The following SATB2 variants were observed in gnomAD, a reference collection of about 807,000 sequenced individuals.
The protein encoded by SATB2 is SATB homeobox 2, also known as DNA-binding protein SATB2.
Under a neutral mutation model 73.4 loss-of-function variants are expected in SATB2, and 1 was observed. The observed-to-expected ratio is 0.01, with a 90% confidence interval of 0.00 to 0.06. The LOEUF is 0.06. SATB2 is among the 10% of genes least tolerant of loss of function. SATB2 has a pLI of 1.00. For missense variants in SATB2, 459 were observed against 945.8 expected, an observed-to-expected ratio of 0.49 and a Z score of 6.75; for synonymous variants, 397 against 367.0, an observed-to-expected ratio of 1.08 and a Z score of -0.93.
intron 10 of SATB2, among the ~76,000 whole-genome samples, chr2:199,303,788 A>G (rs1288691977): frequency 2.6e-5 from 4 of 152,194 alleles, no homozygotes; most frequent in African/African-American, 9.6e-5. Flanking sequence ...AGCAACCCAG[A>G]CAAGTCAAGG....
Position 199,272,884 on chromosome 2 carries a change from A to AT in SATB2, c.1741-213dup, listed in dbSNP as rs762207075. Among the ~76,000 whole-genome samples, 3 of 152,146 alleles carry AT rather than the reference A, an allele frequency of 2.0e-5. No homozygotes were observed. The highest frequency in any genetic ancestry group is 6.5e-5 in the Admixed American group (1 of 15,278). On this transcript the variant is annotated intron_variant, in intron 10 of 10. Transcript: ENST00000417098. This position sits in a 1 kb window ranked among gnomAD's most constrained non-coding sequence, Gnocchi z 6.7. Reference sequence around the variant, plus strand: ...GTTCATAACAGTAGTATTTGCCATCATTTATATTCTGAGATGCAAAGTCAA... The same window carrying AT: ...GTTCATAACAGTAGTATTTGCCATCATTTTATATTCTGAGATGCAAAGTCAA...
intron 5 of SATB2, among the ~76,000 whole-genome samples, chr2:199,370,083 G>A (rs1689398262): frequency 6.6e-6 from 1 of 152,066 alleles, no homozygotes; most frequent in South Asian, 2.1e-4. Flanking sequence ...TGCCTTATAG[G>A]ATGACCACTG....
chr2:199,280,424 T>C (rs1692451793), intron 10 of SATB2, among the ~76,000 whole-genome samples: 2 of 152,178 alleles, frequency 1.3e-5, no homozygotes, highest in Non-Finnish European at 1.5e-5. Context: ...AACAGCAATG[T>C]TCAGGGAACA....
At chr2:199,468,337 A>G (rs1053417412), upstream of SATB2, 9 of 141,316 alleles carry the variant, frequency 6.4e-5, no homozygotes, top group Admixed American at 4.3e-4. Context: ...GTCCCTCTTT[A>G]TTTCTATTGA....
At chr2:199,341,042 C>A (rs1001067635) in intron 7 of SATB2, among the ~76,000 whole-genome samples, 1 of 152,162 alleles carries the variant, frequency 6.6e-6, no homozygotes, top group Non-Finnish European at 1.5e-5. Flanking sequence ...GGGCATTCTA[C>A]AACCATCCCT....
At chr2:199,446,510 A>C (rs1691966933) in intron 2 of SATB2, among the ~76,000 whole-genome samples, 2 of 152,206 alleles carry the variant, frequency 1.3e-5, no homozygotes, top group African/African-American at 4.8e-5. Flanking sequence ...ACTTTCTTTT[A>C]ATTGTACAAC....
chr2:199,364,258 T>C (rs927973737), intron 6 of SATB2, among the ~76,000 whole-genome samples: 1 of 152,172 alleles, frequency 6.6e-6, no homozygotes, highest in South Asian at 2.1e-4. Context: ...TTAACCACTT[T>C]AGTACAGAGG....
intron 6 of SATB2, among the ~76,000 whole-genome samples, chr2:199,350,189 T>C (rs1470720044): frequency 6.6e-6 from 1 of 152,224 alleles, no homozygotes; most frequent in African/African-American, 2.4e-5. Context: ...AAATGCTGGA[T>C]ATGACTATGC....
chr2:199,303,139 A>G (rs767267700), intron 10 of SATB2, among the ~76,000 whole-genome samples: 4 of 152,228 alleles, frequency 2.6e-5, no homozygotes, highest in Non-Finnish European at 5.9e-5. Flanking sequence ...AGCACATGAT[A>G]AAAGTCAGAC....
intron 7 of SATB2, among the ~76,000 whole-genome samples, chr2:199,333,401 GA>G (rs574334904): frequency 6.6e-6 from 1 of 151,596 alleles, no homozygotes; most frequent in Non-Finnish European, 1.5e-5. Flanking sequence ...AGGATTCAGG[GA>G]AAAAAAATTG....
intron 8 of SATB2, chr2:199,326,195 T>C (rs1688024069): frequency 1.3e-5 from 2 of 152,170 alleles, no homozygotes; most frequent in African/African-American, 4.8e-5. Context: ...AAGTCAGTAA[T>C]CATGAAATGT....
intron 3 of SATB2, chr2:199,396,449 T>C (rs778068163): frequency 1.3e-5 from 2 of 152,212 alleles, no homozygotes; most frequent in African/African-American, 2.4e-5. Flanking sequence ...TTATTACAAG[T>C]GTAAGGCCTA....
chr2:199,318,211 C>T (rs1468110135), intron 9 of SATB2, among the ~76,000 whole-genome samples: 2 of 152,014 alleles, frequency 1.3e-5, no homozygotes, highest in Non-Finnish European at 2.9e-5. Context: ...TTCTGTTAGT[C>T]TTTATACCAG....
intron 9 of SATB2, among the ~76,000 whole-genome samples, chr2:199,323,423 G>C (rs985469116): frequency 1.3e-5 from 2 of 150,244 alleles, no homozygotes; most frequent in African/African-American, 4.9e-5. Context: ...ATGAGACTTG[G>C]CTAAAACTTG....
chr2:199,355,338 G>GTATCTA (rs1233539046), intron 6 of SATB2, among the ~76,000 whole-genome samples: 4 of 88,080 alleles, frequency 4.5e-5, no homozygotes, highest in Admixed American at 1.3e-4. Context: ...GTGTGTGTGT[G>GTATCTA]TGTGTGTATC....
At chr2:199,438,005 C>G (rs1019785493) in intron 2 of SATB2, among the ~76,000 whole-genome samples, 1 of 152,088 alleles carries the variant, frequency 6.6e-6, no homozygotes, top group African/African-American at 2.4e-5. Context: ...TCACAGTAGC[C>G]TCTAACTTCA....
At chr2:199,428,595 A>G (rs1691404132) in intron 3 of SATB2, among the ~76,000 whole-genome samples, 1 of 152,186 alleles carries the variant, frequency 6.6e-6, no homozygotes, top group African/African-American at 2.4e-5. Flanking sequence ...TCTTTGCCTC[A>G]GTTTCCTCTT....
Position 199,283,249 on chromosome 2 carries a change from A to ATTTTT in SATB2, c.1741-10582_1741-10578dup, listed in dbSNP as rs58013191. Among the ~76,000 whole-genome samples, 88 of 136,812 alleles carry ATTTTT rather than the reference A, an allele frequency of 6.4e-4. 2 individuals carry two copies. The highest frequency in any genetic ancestry group is 3.8e-3 in the Middle Eastern group (1 of 262). The allele number at this position is 136,812 out of a possible 152,430, so 89.8% of individuals were successfully genotyped here. A position where few individuals can be genotyped will look rare whatever the true frequency, so the allele number is the denominator to read the frequency against. On this transcript the variant is annotated intron_variant, in intron 10 of 10. Coordinates refer to ENST00000417098, the MANE Select transcript of SATB2 (RefSeq NM_001172509.2). ...CAGGCGCCCGCCACCATGCCTAGCT[A>ATTTTT]TTTTTTTTTTTTTTGTATTTTTTGT...
Position 199,308,653 on chromosome 2 carries a change from C to T in SATB2, c.1740+107G>A, listed in dbSNP as rs1687506697. The T allele has an allele frequency of 2.2e-6, 2 of 902,980 alleles. No individual in the cohort carries two copies. Among genetic ancestry groups the T allele is most frequent in the Admixed American group, 1.8e-5 (1 of 54,932 alleles). 55.9% of individuals were successfully genotyped at this position (902,980 alleles called of 1,614,324 possible). A position where few individuals can be genotyped will look rare whatever the true frequency, so the allele number is the denominator to read the frequency against. On this transcript the variant is annotated intron_variant, in intron 10 of 10. Transcript: ENST00000417098. The surrounding 1 kb of genome is among the most constrained non-coding windows in gnomAD (Gnocchi z 4.6). ...CTGTACTTGGGGACCTGGCATGAGA[C>T]ACCCTCTGACAGAAGTTGGTGTGGT...
Sources: allele counts gnomAD v4.1 joint callset (sites outside exome capture counted in the v4.1 genomes callset), GRCh38; gene constraint gnomAD v4.1.1; non-coding constraint Gnocchi (gnomAD v3.1); transcripts MANE v1.5; gene names NCBI Gene and HGNC (gene_info 2026-07-23, HGNC 2026-07-21).